Variants in MN1 observed in about 807,000 individuals in gnomAD.
MN1 encodes MN1 proto-oncogene, transcriptional regulator.
MN1 carries 19 observed loss-of-function variants against 86.9 expected under a neutral mutation model. The observed-to-expected ratio is 0.22, with a 90% CI of 0.15 to 0.32. The LOEUF (loss-of-function observed/expected upper bound fraction) is 0.32, where lower values mean the gene tolerates loss of function less well. MN1 is among the 10% of genes least tolerant of loss of function. The probability of loss-of-function intolerance (pLI) is 1.00; values close to 1 mark genes in which losing one functional copy is unlikely to be tolerated. For synonymous variants in MN1, 928 were observed against 849.6 expected (o/e 1.09, Z -1.60); for missense variants, 1,841 against 1,862.0 (o/e 0.99, Z 0.21).
intron 1 of MN1, among the ~76,000 whole-genome samples, chr22:27,790,677 TG>T (rs937089552): frequency 2.2e-4 from 5 of 22,606 alleles, no homozygotes; most frequent in Admixed American, 5.1e-4. Flanking sequence ...CCACAACTGG[TG>T]GGGGTAGGTG....
intron 1 of MN1, among the ~76,000 whole-genome samples, chr22:27,793,833 C>T (rs762259604): frequency 6.6e-6 from 1 of 152,182 alleles, no homozygotes; most frequent in Non-Finnish European, 1.5e-5. Context: ...CCCTCCAATC[C>T]GAGCACGGAT....
intron 1 of MN1, among the ~76,000 whole-genome samples, chr22:27,773,073 G>A (rs544001582): frequency 4.6e-5 from 7 of 151,858 alleles, no homozygotes; most frequent in African/African-American, 1.2e-4. Context: ...CGAACAGGCC[G>A]GGAAGCCCAG....
rs953296080 is a variant in MN1 at position 27,797,670 on chromosome 22, G to T, written c.2874C>A (p.Phe958Leu). ...RDSGHVSPGT[F>L]FDKYSAAPDS... Reference sequence around the variant, plus strand: ...CCGGAGCCGCCGAGTACTTGTCAAAGAAGGTGCCAGGGCTCACGTGACCAC... The same window carrying T: ...CCGGAGCCGCCGAGTACTTGTCAAATAAGGTGCCAGGGCTCACGTGACCAC... Residue 958 changes from phenylalanine to leucine, a missense_variant, in exon 1 of 2, where the codon TTC (phenylalanine) becomes TTA (leucine). Phe to Leu is a conservative substitution (Grantham distance 22). Transcript: ENST00000302326. The T allele has an allele frequency of 1.9e-6, 3 of 1,605,756 alleles. No homozygotes were observed. In the African/African-American group the frequency reaches 4.0e-5, roughly 21 times the overall value.
At chr22:27,775,044 G>A (rs1220129770) in intron 1 of MN1, among the ~76,000 whole-genome samples, 2 of 152,232 alleles carry the variant, frequency 1.3e-5, no homozygotes, top group African/African-American at 2.4e-5. Flanking sequence ...TCATGCTGAG[G>A]AGCAGTCAGA....
At chr22:27,790,104 T>G (rs946105247) in intron 1 of MN1, among the ~76,000 whole-genome samples, 2 of 152,220 alleles carry the variant, frequency 1.3e-5, no homozygotes, top group Non-Finnish European at 2.9e-5. Context: ...CACTGGCTGC[T>G]CAAACCTCGG....
Position 27,749,226 on chromosome 22 carries a change from G to A in MN1, c.*1689C>T, listed in dbSNP as rs45619034. On this transcript the variant is annotated 3_prime_UTR_variant, in exon 2 of 2. Transcript: ENST00000302326. ...TTTTTCTGAAAGCTCCTCTCCCTTC[G>A]CTGAAAAGTTCTTTGAAATAAACAA... The A allele has an allele frequency of 0.059, 13,544 of 230,288 alleles. 504 individuals are homozygous for A. Among genetic ancestry groups the A allele is most frequent in the African/African-American group, 0.11 (5,179 of 45,234 alleles). 14.3% of individuals were successfully genotyped at this position (230,288 alleles called of 1,614,324 possible).
In MN1 at chr22:27,753,515, G is replaced by T. The variant is rs1932782709; in HGVS notation, c.3782-2419C>A. ...TCTGGGAGGGTCGGGGGTGAGGGGG[G>T]CTTTGCAGCCACTTAGAATCCCCTA... On this transcript the variant is annotated intron_variant, in intron 1 of 1. Coordinates refer to ENST00000302326, the MANE Select transcript of MN1 (RefSeq NM_002430.3). Among the ~76,000 whole-genome samples the T allele has an allele frequency of 2.0e-5, 3 of 152,172 alleles. No individual in the cohort carries two copies. In the South Asian group the frequency reaches 6.2e-4, roughly 32 times the overall value.
At chr22:27,751,331 C>T (rs2123873453) in intron 1 of MN1, among the ~76,000 whole-genome samples, 1 of 152,246 alleles carries the variant, frequency 6.6e-6, no homozygotes, top group African/African-American at 2.4e-5. Flanking sequence ...CCTCAGTTTC[C>T]CCACTGGGAA....
intron 1 of MN1, among the ~76,000 whole-genome samples, chr22:27,789,589 CA>C: frequency 6.6e-6 from 1 of 152,316 alleles, no homozygotes; most frequent in Non-Finnish European, 1.5e-5. Flanking sequence ...TTTCCCTCAA[CA>C]ATGTGAGTTT....
chr22:27,781,502 C>A (rs1388293566), intron 1 of MN1, among the ~76,000 whole-genome samples: 1 of 152,150 alleles, frequency 6.6e-6, no homozygotes, highest in East Asian at 1.9e-4. Flanking sequence ...TCCCACTACC[C>A]TGTGGGAAGG....
chr22:27,800,814 C>T lies in MN1; in HGVS notation c.-271G>A, dbSNP rs920071922. 2 of 534,028 alleles carry T rather than the reference C, an allele frequency of 3.7e-6. No homozygotes were observed. Among genetic ancestry groups the T allele is most frequent in the Non-Finnish European group, 6.6e-6 (2 of 302,230 alleles). 33.1% of individuals were successfully genotyped at this position (534,028 alleles called of 1,614,324 possible). On this transcript the variant is annotated 5_prime_UTR_variant, in exon 1 of 2. Transcript: ENST00000302326. Reference sequence around the variant, plus strand: ...GGAGCCGTGTTGGGGGGCCCATGCCCCGGGCGGTTGTCACAGCCGCGGGTG... The same window carrying T: ...GGAGCCGTGTTGGGGGGCCCATGCCTCGGGCGGTTGTCACAGCCGCGGGTG...
At position 27,800,749 on chromosome 22, in the gene MN1, G is replaced by A. The variant is rs1306844068; in HGVS notation, c.-206C>T. ...TCTCCTGAAGCTCCGATTCTGCCCG[G>A]GGAGGGCCTCTCACATCTTGCGAGG... On this transcript the variant is annotated 5_prime_UTR_variant, in exon 1 of 2. Coordinates refer to ENST00000302326, the MANE Select transcript of MN1 (RefSeq NM_002430.3). 1.6e-6 allele frequency: 1 copy of A among 636,138 alleles called. No homozygotes were observed. The highest frequency in any genetic ancestry group is 1.8e-5 in the African/African-American group (1 of 54,230). The allele number at this position is 636,138 out of a possible 1,614,324, so 39.4% of individuals were successfully genotyped here.
chr22:27,761,801 C>G (rs985717086), intron 1 of MN1, among the ~76,000 whole-genome samples: 1 of 152,254 alleles, frequency 6.6e-6, no homozygotes, highest in African/African-American at 2.4e-5. Context: ...GAGGCTGGGC[C>G]AGGCCCCTGG....
rs1192449099 is a variant in MN1 at position 27,800,142 on chromosome 22, G to T, written c.402C>A (p.Leu134=). The T allele has an allele frequency of 6.4e-7, 1 of 1,558,000 alleles. No individual in the cohort carries two copies. ...GASCLHGGRL[L]GYGGAAGGLG... ...GGCCTCCGGCTGCGCCGCCGTAGCC[G>T]AGCAGGCGACCCCCGTGCAGGCACG... The change falls in exon 1 of 2, where the codon CTC becomes CTA. Residue 134 remains leucine, a synonymous_variant. Transcript: ENST00000302326.
At chr22:27,766,538 T>C (rs983644632) in intron 1 of MN1, among the ~76,000 whole-genome samples, 4 of 152,206 alleles carry the variant, frequency 2.6e-5, no homozygotes, top group Non-Finnish European at 5.9e-5. Context: ...AGACAAATTT[T>C]GCAACACCTA....
chr22:27,763,074 G>A (rs1426127751), intron 1 of MN1, among the ~76,000 whole-genome samples: 6 of 152,126 alleles, frequency 3.9e-5, no homozygotes. Context: ...TGGCCCGGGT[G>A]ACAGAGCAAG....
chr22:27,800,506 C>T lies in MN1; in HGVS notation c.38G>A (p.Ser13Asn), dbSNP rs1933414653. The change falls in exon 1 of 2, where the codon AGC (serine) becomes AAC (asparagine). Residue 13 changes from serine (S) to asparagine (N), a missense_variant. By Grantham distance (46) the Ser-to-Asn change is conservative (BLOSUM62 1). Transcript: ENST00000302326. ...CCTCTCGCCCTGGCCAGCGTTCCTG[C>T]TGTTGACCTGGGGCTCGAATTGGTC... Reference protein sequence around the residue: ...GLDQFEPQVNSRNAGQGERNF... With the variant: ...GLDQFEPQVNNRNAGQGERNF... The T allele has an allele frequency of 6.2e-7, 1 of 1,614,214 alleles. No individual in the cohort carries two copies. The highest frequency in any genetic ancestry group is 8.5e-7 in the Non-Finnish European group (1 of 1,180,024).
chr22:27,778,503 G>A (rs1194462867), intron 1 of MN1, among the ~76,000 whole-genome samples: 1 of 152,212 alleles, frequency 6.6e-6, no homozygotes, highest in Non-Finnish European at 1.5e-5. Context: ...TTCCTGTGCA[G>A]GAGGAGAAGC....
At chr22:27,789,187 C>T (rs912404357) in intron 1 of MN1, among the ~76,000 whole-genome samples, 1 of 152,274 alleles carries the variant, frequency 6.6e-6, no homozygotes, top group African/African-American at 2.4e-5. Context: ...GTTTTTGAGA[C>T]ATGCAGGATA....
Sources: gnomAD v4.1 joint callset for allele counts (sites outside exome capture counted in the v4.1 genomes callset) on GRCh38, gnomAD v4.1.1 for gene constraint, MANE v1.5 for transcripts, NCBI Gene and HGNC (gene_info 2026-07-23, HGNC 2026-07-21) for gene names.